MSI2: variants seen among roughly 807,000 people sequenced by gnomAD.
MSI2 encodes the protein RNA-binding protein Musashi homolog 2.
MSI2 carries 17 observed loss-of-function variants against 45.6 expected under a neutral mutation model. The observed-to-expected ratio is 0.37, with a 90% CI of 0.26 to 0.56. The LOEUF is 0.56. Ranked by LOEUF, MSI2 falls within the 20% of genes least tolerant of loss-of-function variation. MSI2 has a pLI of 0.77. For synonymous variants in MSI2, 156 were observed against 158.2 expected (o/e 0.99, Z 0.11); for missense variants, 293 against 444.2 (o/e 0.66, Z 3.06).
intron 5 of MSI2, chr17:57,279,110 G>C (rs1186766961): frequency 1.3e-5 from 2 of 152,222 alleles, no homozygotes; most frequent in Non-Finnish European, 2.9e-5. Flanking sequence ...GGTGGAAAGG[G>C]GAATCTATGC....
intron 5 of MSI2, among the ~76,000 whole-genome samples, chr17:57,347,486 G>A (rs955745226): frequency 4.6e-5 from 7 of 152,148 alleles, no homozygotes; most frequent in Admixed American, 6.5e-5. Context: ...AGCCCCATCC[G>A]CATGTGTTCA....
chr17:57,571,294 TC>T (rs1169798223), intron 7 of MSI2, among the ~76,000 whole-genome samples: 2 of 152,178 alleles, frequency 1.3e-5, no homozygotes, highest in Admixed American at 1.3e-4. Context: ...GGAGAATCAA[TC>T]CACAACTTGC....
chr17:57,450,315 G>GAAAGAA, intron 6 of MSI2: 1 of 119,008 alleles, frequency 8.4e-6, no homozygotes, highest in African/African-American at 2.8e-5. Context: ...AAGAAAGAAA[G>GAAAGAA]AAAGAAAACC....
chr17:57,518,294 T>C lies in MSI2; in HGVS notation c.406-11382T>C, dbSNP rs576194408. Among the ~76,000 whole-genome samples, 5 of 152,278 alleles carry C rather than the reference T, an allele frequency of 3.3e-5. No homozygotes were observed. The South Asian group carries it at 8.3e-4, about 25-fold the overall frequency. ...AAAATTGGGATTGGAACCAAGATTT[T>C]CCAAGCCTACAAAACTCCTTTCTCC... On this transcript the variant is annotated intron_variant, in intron 6 of 13. Transcript: ENST00000284073.
At chr17:57,494,731 GA>G (rs750974126) in intron 6 of MSI2, among the ~76,000 whole-genome samples, 2 of 152,008 alleles carry the variant, frequency 1.3e-5, no homozygotes, top group African/African-American at 4.8e-5. Flanking sequence ...GTGAGTTGAA[GA>G]AACTTGTCCC....
chr17:57,281,512 T>C (rs533320591), intron 5 of MSI2, among the ~76,000 whole-genome samples: 1 of 152,316 alleles, frequency 6.6e-6, no homozygotes, highest in East Asian at 1.9e-4. Context: ...GTATTGCCAC[T>C]CTCCCTCCAT....
At chr17:57,269,443 G>C (rs905015895) in intron 5 of MSI2, among the ~76,000 whole-genome samples, 2 of 152,182 alleles carry the variant, frequency 1.3e-5, no homozygotes, top group South Asian at 2.1e-4. Context: ...TCCAACCTGG[G>C]CTTGTGGCTT....
At chr17:57,500,619 G>A (rs577880539) in intron 6 of MSI2, among the ~76,000 whole-genome samples, 1 of 151,782 alleles carries the variant, frequency 6.6e-6, no homozygotes, top group African/African-American at 2.4e-5. Context: ...CCAGAGCACT[G>A]TCCTGTCTCT....
intron 5 of MSI2, among the ~76,000 whole-genome samples, chr17:57,385,895 T>C (rs2144050591): frequency 6.6e-6 from 1 of 152,302 alleles, no homozygotes; most frequent in Non-Finnish European, 1.5e-5. Flanking sequence ...GTGTGTTAGG[T>C]GTCTGGGAGA....
At chr17:57,262,640 A>G (rs1907426103) in intron 5 of MSI2, among the ~76,000 whole-genome samples, 1 of 152,232 alleles carries the variant, frequency 6.6e-6, no homozygotes, top group Non-Finnish European at 1.5e-5. Flanking sequence ...TTAGGCCCAT[A>G]AAGCCTTAAA....
chr17:57,460,715 G>C (rs1020361888), intron 6 of MSI2, among the ~76,000 whole-genome samples: 2 of 152,132 alleles, frequency 1.3e-5, no homozygotes, highest in African/African-American at 2.4e-5. Flanking sequence ...GGTCCCAGTG[G>C]TGCTAGGAAA....
intron 9 of MSI2, among the ~76,000 whole-genome samples, chr17:57,622,122 G>A (rs1055944287): frequency 2.6e-5 from 4 of 152,162 alleles, no homozygotes; most frequent in Non-Finnish European, 4.4e-5. Context: ...TCTTGAACCC[G>A]GGAGGCTGAG....
At chr17:57,624,678 C>T (rs73314737) in intron 9 of MSI2, among the ~76,000 whole-genome samples, 198 of 152,246 alleles carry the variant, frequency 1.3e-3, no homozygotes, top group African/African-American at 4.6e-3. Flanking sequence ...TGGCAAGACC[C>T]TGTGGAGGTA....
chr17:57,379,481 CTTTTTTT>C (rs78899938), intron 5 of MSI2, among the ~76,000 whole-genome samples: 1 of 134,796 alleles, frequency 7.4e-6, no homozygotes, highest in Non-Finnish European at 1.6e-5. Context: ...TTTCTTTCTT[CTTTTTTT>C]TTTTTTTTGC....
rs1250493624 is a variant in MSI2, at chr17:57,443,043, C to T, written c.405+41572C>T. ...AACCTGATGGCTGGGGGCTTCAGGG[C>T]TCTGGGGACAGCTACCGTTTGCGGC... On this transcript the variant is annotated intron_variant, in intron 6 of 13. Coordinates refer to ENST00000284073, the MANE Select transcript of MSI2 (RefSeq NM_138962.4). Among the ~76,000 whole-genome samples the T allele has an allele frequency of 2.0e-5, 3 of 152,174 alleles. No individual in the cohort carries two copies. The East Asian group carries it at 5.8e-4, about 29-fold the overall frequency.
intron 5 of MSI2, among the ~76,000 whole-genome samples, chr17:57,343,127 C>T (rs987089316): frequency 6.6e-6 from 1 of 152,134 alleles, no homozygotes; most frequent in Non-Finnish European, 1.5e-5. Context: ...GCTGTCTGTA[C>T]GTTTGTTTGT....
chr17:57,359,774 G>A (rs919544536), intron 5 of MSI2, among the ~76,000 whole-genome samples: 1 of 152,164 alleles, frequency 6.6e-6, no homozygotes, highest in Non-Finnish European at 1.5e-5. Flanking sequence ...TTTCCTTTAT[G>A]GTTGGCTTAC....
intron 11 of MSI2, among the ~76,000 whole-genome samples, chr17:57,659,703 G>A (rs1043323807): frequency 6.6e-6 from 1 of 151,936 alleles, no homozygotes; most frequent in African/African-American, 2.4e-5. Flanking sequence ...CAGGACACCG[G>A]GCACAAGCAG....
chr17:57,300,410 G>A (rs953709361), intron 5 of MSI2, among the ~76,000 whole-genome samples: 10 of 152,104 alleles, frequency 6.6e-5, no homozygotes, highest in African/African-American at 9.7e-5. Flanking sequence ...AAAGGTTTCC[G>A]TAGGGCTGCC....
Sources: gnomAD v4.1 joint callset for allele counts (sites outside exome capture counted in the v4.1 genomes callset) on GRCh38, gnomAD v4.1.1 for gene constraint, MANE v1.5 for transcripts, NCBI Gene and HGNC (gene_info 2026-07-23, HGNC 2026-07-21) for gene names.